The following SEC16B variants were observed in gnomAD, a reference collection of about 807,000 sequenced individuals.
SEC16B encodes protein transport protein Sec16B.
Under a neutral mutation model 141.8 loss-of-function variants are expected in SEC16B, and 115 were observed. The observed-to-expected ratio is 0.81, with a 90% CI of 0.70 to 0.95. The LOEUF (loss-of-function observed/expected upper bound fraction) is 0.95. Among genes scored for constraint, SEC16B ranks in the 40% least tolerant of loss-of-function variants. The pLI, the probability that SEC16B is intolerant of heterozygous loss-of-function variation, is 0.00. For missense variants in SEC16B, 1,291 were observed against 1,312.3 expected (o/e 0.98, Z 0.25); for synonymous variants, 493 against 492.5 (o/e 1.00, Z -0.01).
chr1:177,934,849 G>A (rs1650715521), intron 20 of SEC16B, among the ~76,000 whole-genome samples: 1 of 152,046 alleles, frequency 6.6e-6, no homozygotes, highest in South Asian at 2.1e-4. Flanking sequence ...GGGAAAGGAC[G>A]CAACACTCAC....
At chr1:177,976,191 G>T (rs1471171206) in intron 1 of SEC16B, among the ~76,000 whole-genome samples, 1 of 152,182 alleles carries the variant, frequency 6.6e-6, no homozygotes, top group Non-Finnish European at 1.5e-5. Context: ...CACCTCTGCT[G>T]CCAAGAGCTG....
At chr1:177,967,591 G>C (rs762979016) in intron 2 of SEC16B, 92 bp downstream of exon 2, 1 of 1,300,480 alleles carries the variant, frequency 7.7e-7, no homozygotes, top group African/African-American at 1.5e-5. Flanking sequence ...AAAAAAGGGG[G>C]AGAAAAATAA....
upstream of SEC16B, among the ~76,000 whole-genome samples, chr1:177,973,956 G>A (rs951494368): frequency 5.3e-5 from 8 of 152,112 alleles, no homozygotes; most frequent in South Asian, 2.1e-4. Flanking sequence ...ATGCCTGAAC[G>A]AGAGCAGCTG....
chr1:177,965,245 G>A (rs141440966), intron 3 of SEC16B, 78 bp from the exon 4 acceptor site: 1 of 1,524,742 alleles, frequency 6.6e-7, no homozygotes, highest in South Asian at 1.2e-5. Context: ...TTAGTGAGCT[G>A]TGAGGAGCTC....
In SEC16B at chr1:177,936,268, A is replaced by T. The variant is rs1449680733; in HGVS notation, c.2571+30T>A. 17 of 1,577,510 alleles carry T rather than the reference A, an allele frequency of 1.1e-5. 1 individual carries two copies. The Admixed American group carries it at 2.8e-4, about 26-fold the overall frequency. On this transcript the variant is annotated intron_variant, in intron 20 of 25. Coordinates refer to ENST00000308284, the MANE Select transcript of SEC16B (RefSeq NM_033127.4). ...AAAAACCAGAAGCATTTGAGTGGGC[A>T]GTGGCATCTTTTATGCTGTGCGCTC... is the stretch of plus-strand genomic sequence containing the variant.
intron 11 of SEC16B, among the ~76,000 whole-genome samples, chr1:177,953,862 C>G (rs1180879416): frequency 6.6e-6 from 1 of 152,238 alleles, no homozygotes; most frequent in East Asian, 1.9e-4. Context: ...ACACCCCCAC[C>G]CTACTCTCAG....
At position 177,960,401 on chromosome 1, in the gene SEC16B, A is replaced by T. The variant is rs1185817578; in HGVS notation, c.939T>A (p.Val313=). 6.3e-7 allele frequency: 1 copy of T among 1,591,006 alleles called. No homozygotes were observed. Among genetic ancestry groups the T allele is most frequent in the Non-Finnish European group, 8.6e-7 (1 of 1,164,692 alleles). ...CTTGCTCTTCGGAATCATTAAGAAT[A>T]ACCTGGAATAAAACAATCAGATTTT... ...AALVELHSME[V]ILNDSEEQEE... Residue 313 remains valine, a splice_region_variant and synonymous_variant, in exon 8 of 26, where the codon GTT becomes GTA. Coordinates refer to ENST00000308284, the MANE Select transcript of SEC16B (RefSeq NM_033127.4).
chr1:177,947,031 G>T (rs1651766760), intron 13 of SEC16B, among the ~76,000 whole-genome samples: 1 of 152,186 alleles, frequency 6.6e-6, no homozygotes, highest in Admixed American at 6.5e-5. Context: ...AATTCAGCTA[G>T]ATACAATACC....
chr1:177,954,903 T>C (rs947695296), intron 10 of SEC16B, among the ~76,000 whole-genome samples: 2 of 152,124 alleles, frequency 1.3e-5, no homozygotes, highest in Non-Finnish European at 2.9e-5. Flanking sequence ...AAGCGTCATA[T>C]ACAAAAACAA....
intron 1 of SEC16B, among the ~76,000 whole-genome samples, chr1:177,978,616 A>C (rs1654273236): frequency 1.3e-5 from 2 of 152,050 alleles, no homozygotes; most frequent in Admixed American, 1.3e-4. Context: ...TGGTGGAAGG[A>C]TCACTTGAGC....
At chr1:177,982,204 G>C (rs532636364) in intron 1 of SEC16B, among the ~76,000 whole-genome samples, 1 of 152,306 alleles carries the variant, frequency 6.6e-6, no homozygotes, top group Non-Finnish European at 1.5e-5. Flanking sequence ...GGAGAAAACA[G>C]TAAGGAGGGA....
In SEC16B at chr1:177,946,416, A is replaced by G. The variant is rs764400778; in HGVS notation, c.1775+4T>C. ...TACTGTTTCCTTTCTCCCAGGTCGC[A>G]TACCTGTGGCTGCTGCCCAGCAAGA... On this transcript the variant is annotated splice_donor_region_variant and intron_variant, in intron 14 of 25. Transcript: ENST00000308284. The G allele has an allele frequency of 5.1e-6, 8 of 1,557,298 alleles. No homozygotes were observed. The highest frequency in any genetic ancestry group is 1.4e-5 in the African/African-American group (1 of 73,516).
In SEC16B at chr1:177,965,067, T is replaced by G. The variant is rs533587825; in HGVS notation, c.513A>C (p.Thr171=). 2 of 1,613,574 alleles carry G rather than the reference T, an allele frequency of 1.2e-6. No individual in the cohort carries two copies. Among genetic ancestry groups the G allele is most frequent in the Non-Finnish European group, 1.7e-6 (2 of 1,179,742 alleles). Residue 171 remains threonine (T), a synonymous_variant, in exon 4 of 26, where the codon ACA becomes ACC. Transcript: ENST00000308284. ...CTTACTGGAAGTGGGTCTCACTATT[T>G]GTTCCAAATGGACTGTGCTGGTTTT... The part of the protein sequence containing the change: ...HYENQHSPFG[T]NSETHFQSNS...
intron 12 of SEC16B, chr1:177,948,385 C>T (rs1341526995): frequency 1.5e-6 from 2 of 1,304,870 alleles, no homozygotes; most frequent in Non-Finnish European, 2.0e-6. Context: ...TGCTTAATGT[C>T]TTACCAAATG....
At chr1:177,973,834 T>C (rs986536362), upstream of SEC16B, among the ~76,000 whole-genome samples, 5 of 152,176 alleles carry the variant, frequency 3.3e-5, no homozygotes, top group African/African-American at 1.2e-4. Flanking sequence ...ATCATCATTC[T>C]AATGGATATA....
chr1:177,979,259 T>TGATA (rs370027785), intron 1 of SEC16B, among the ~76,000 whole-genome samples: 1 of 152,244 alleles, frequency 6.6e-6, no homozygotes, highest in Non-Finnish European at 1.5e-5. Flanking sequence ...TTCAACCTGA[T>TGATA]GATAGATAGA....
rs1261525389 is a variant in SEC16B, at chr1:177,951,947, C to T, written c.1512G>A (p.Gln504=). The change falls in exon 12 of 26, where the codon CAG becomes CAA. Residue 504 remains glutamine (Q), a synonymous_variant. Coordinates refer to ENST00000308284, the MANE Select transcript of SEC16B (RefSeq NM_033127.4). The part of the protein sequence containing the change: ...ALNDPLQTLF[Q]LMSGRIPQAA... The stretch of plus-strand genomic sequence containing the variant: ...CCTGTGGAATCCTCCCCGACATGAG[C>T]TGGAAGAGGGTCTGCAGTGGGTCAT... 1 of 1,607,504 alleles carries T rather than the reference C, an allele frequency of 6.2e-7. No individual in the cohort carries two copies. The highest frequency in any genetic ancestry group is 8.5e-7 in the Non-Finnish European group (1 of 1,177,348).
chr1:177,937,650 A>T lies in SEC16B; in HGVS notation c.2204-137T>A, dbSNP rs994799785. The T allele has an allele frequency of 5.2e-5, 34 of 658,570 alleles. No homozygotes were observed. In the African/African-American group the frequency reaches 6.0e-4, roughly 12 times the overall value. 40.8% of individuals were successfully genotyped at this position (658,570 alleles called of 1,614,324 possible). A position where few individuals can be genotyped will look rare whatever the true frequency, so the allele number is the denominator to read the frequency against. ...CGAGCTGTCTAATGCGGCTTCCAGT[A>T]ACATGATGACAAGTAAAACACAGTG... On this transcript the variant is annotated intron_variant, in intron 18 of 25. Coordinates refer to ENST00000308284, the MANE Select transcript of SEC16B (RefSeq NM_033127.4).
chr1:177,961,965 C>T (rs1335831613), intron 5 of SEC16B, among the ~76,000 whole-genome samples: 2 of 152,190 alleles, frequency 1.3e-5, no homozygotes, highest in Non-Finnish European at 2.9e-5. Context: ...GCCTTATACT[C>T]AGCTGCTGTG....
Sources: gnomAD v4.1 joint callset for allele counts (sites outside exome capture counted in the v4.1 genomes callset) on GRCh38, gnomAD v4.1.1 for gene constraint, MANE v1.5 for transcripts, NCBI Gene and HGNC (gene_info 2026-07-23, HGNC 2026-07-21) for gene names.